The following PRKDC variants were observed in gnomAD, a reference collection of about 807,000 sequenced individuals.
PRKDC encodes protein kinase, DNA-activated, catalytic subunit, also known as DNA-dependent protein kinase catalytic subunit.
A neutral mutation model predicts 486.9 loss-of-function variants in PRKDC; 82 were observed. That is an observed-to-expected ratio of 0.17 (90% CI 0.14 to 0.20). The LOEUF (loss-of-function observed/expected upper bound fraction) is 0.20, where lower values mean the gene tolerates loss of function less well. Among genes scored for constraint, PRKDC ranks in the 10% least tolerant of loss-of-function variants. The pLI, the probability that PRKDC is intolerant of heterozygous loss-of-function variation, is 1.00. For missense variants in PRKDC, 4,504 were observed against 5,038.2 expected (o/e 0.89, Z 3.21); for synonymous variants, 1,895 against 1,837.0 (o/e 1.03, Z -0.81).
chr8:47,826,609 T>C (rs758136146), intron 63 of PRKDC, 47 bp downstream of exon 63: 4 of 1,553,914 alleles, frequency 2.6e-6, no homozygotes, highest in Non-Finnish European at 3.5e-6. Flanking sequence ...CCGTATTGCT[T>C]TGGTCAAATC....
rs751353468 is a variant in PRKDC at position 47,929,984 on chromosome 8, A to G, written c.1921T>C (p.Phe641Leu). 4 of 1,607,112 alleles carry G rather than the reference A, an allele frequency of 2.5e-6. No individual in the cohort carries two copies. The highest frequency in any genetic ancestry group is 1.1e-5 in the South Asian group (1 of 88,654). ...AATGAGTACACCCATGGTTCAAAAA[A>G]TTCTGCTTGTTTCTCAGGGAGAATC... ...REILPEKQAE[F>L]FEPWVYSFSY... The change falls in exon 18 of 86, where the codon TTT becomes CTT. Residue 641 changes from phenylalanine to leucine, a missense_variant. Physicochemically the swap from Phe to Leu is conservative, Grantham distance 22 (BLOSUM62 0). This residue lies in a region of PRKDC where 1,969 missense variants were observed against 2,068.9 expected (regional missense o/e 0.95). Transcript: ENST00000314191.
intron 1 of PRKDC, 131 bp downstream of exon 1, chr8:47,959,842 T>C: frequency 1.4e-6 from 2 of 1,418,476 alleles, no homozygotes; most frequent in South Asian, 1.4e-5. Flanking sequence ...TACACAGAAA[T>C]TCCCCCAAGA....
At position 47,859,618 on chromosome 8, in the gene PRKDC, C is replaced by T. The variant is rs1199966847; in HGVS notation, c.6200G>A (p.Arg2067Gln). The change falls in exon 46 of 86, where the codon CGG becomes CAG. Residue 2067 changes from arginine to glutamine, a missense_variant. By Grantham distance (43) the Arg-to-Gln change is conservative (BLOSUM62 1). Transcript: ENST00000314191. ...QDPRPATGRF[R>Q]RREQRDPTVH... Reference sequence around the variant, plus strand: ...TATGTGAAATGTGATCACCCGTCTCCGAAAACGACCAGTGGCAGGTCTAGG... The same window carrying T: ...TATGTGAAATGTGATCACCCGTCTCTGAAAACGACCAGTGGCAGGTCTAGG... 14 of 1,610,320 alleles carry T rather than the reference C, an allele frequency of 8.7e-6. No homozygotes were observed. The highest frequency in any genetic ancestry group is 1.3e-5 in the African/African-American group (1 of 74,760).
At chr8:47,852,217 G>A (rs73679955) in intron 52 of PRKDC, among the ~76,000 whole-genome samples, 17 of 152,298 alleles carry the variant, frequency 1.1e-4, no homozygotes, top group African/African-American at 3.8e-4. Context: ...TCATCTCACA[G>A]TCCTGTCCAG....
intron 11 of PRKDC, among the ~76,000 whole-genome samples, chr8:47,937,255 C>T (rs554453795): frequency 1.3e-5 from 2 of 152,076 alleles, no homozygotes; most frequent in Non-Finnish European, 2.9e-5. Context: ...TGAGGTTCCA[C>T]CTCAAAAAAT....
intron 21 of PRKDC, among the ~76,000 whole-genome samples, chr8:47,921,108 A>G (rs1319642171): frequency 6.6e-6 from 1 of 152,178 alleles, no homozygotes; most frequent in Non-Finnish European, 1.5e-5. Context: ...CAAAAAAATT[A>G]GCCAGGCGTG....
intron 77 of PRKDC, chr8:47,784,176 T>G: frequency 5.5e-6 from 1 of 183,246 alleles, no homozygotes; most frequent in South Asian, 1.2e-4. Context: ...GAGAATGGCG[T>G]GAACTCGGGA....
chr8:47,834,686 CTTTT>C (rs1014285595), intron 58 of PRKDC, among the ~76,000 whole-genome samples: 3 of 96,758 alleles, frequency 3.1e-5, no homozygotes, highest in African/African-American at 6.8e-5. Flanking sequence ...GAACCCCTGA[CTTTT>C]TTTTTTTTTT....
intron 44 of PRKDC, 145 bp from the exon 45 acceptor site, chr8:47,861,116 A>G: frequency 4.9e-6 from 3 of 615,610 alleles, no homozygotes; most frequent in Non-Finnish European, 8.1e-6. Flanking sequence ...AATAACCTCA[A>G]AAAGAGACTA....
At chr8:47,818,148 AG>A (rs1324780655) in intron 67 of PRKDC, among the ~76,000 whole-genome samples, 1 of 152,220 alleles carries the variant, frequency 6.6e-6, no homozygotes, top group Admixed American at 6.5e-5. Context: ...AACAGCAGTC[AG>A]GAACACAAGA....
intron 32 of PRKDC, among the ~76,000 whole-genome samples, chr8:47,889,486 G>A (rs2089410690): frequency 6.6e-6 from 1 of 152,230 alleles, no homozygotes; most frequent in Admixed American, 6.5e-5. Flanking sequence ...TTTATCTACG[G>A]AGCAGGCAGC....
rs2090722927 is a variant in PRKDC at position 47,957,435 on chromosome 8, T to C, written c.155-4A>G. Reference sequence around the variant, plus strand: ...AAAACTAAAGATGTCTGTAATGCTGTTCAAAAAAATAAGTAAACAAGTTAA... The same window carrying C: ...AAAACTAAAGATGTCTGTAATGCTGCTCAAAAAAATAAGTAAACAAGTTAA... On this transcript the variant is annotated splice_region_variant and splice_polypyrimidine_tract_variant and intron_variant, in intron 1 of 85. Transcript: ENST00000314191. 2 of 1,570,286 alleles carry C rather than the reference T, an allele frequency of 1.3e-6. No homozygotes were observed. Among genetic ancestry groups the C allele is most frequent in the Non-Finnish European group, 8.6e-7 (1 of 1,156,484 alleles).
chr8:47,935,897 G>A lies in PRKDC; in HGVS notation c.1282C>T (p.Pro428Ser). 6.2e-7 allele frequency: 1 copy of A among 1,611,252 alleles called. No individual in the cohort carries two copies. The highest frequency in any genetic ancestry group is 8.5e-7 in the Non-Finnish European group (1 of 1,178,434). The change falls in exon 13 of 86, where the codon CCT becomes TCT. Residue 428 changes from proline to serine, a missense_variant. Physicochemically the swap from Pro to Ser is moderately conservative, Grantham distance 74. Around this residue, in one of 6 missense-constraint regions of PRKDC, gnomAD observed 1,969 missense variants for 2,068.9 expected, o/e 0.95. Transcript: ENST00000314191. Reference sequence around the variant, plus strand: ...TCCAGAACTGGAGTATACACCTCAGGAACCTACCGGAAATAATCAGCAAAC... The same window carrying A: ...TCCAGAACTGGAGTATACACCTCAGAAACCTACCGGAAATAATCAGCAAAC... ...ASVLLYLDTV[P>S]EVYTPVLEHL...
intron 60 of PRKDC, 29 bp from the exon 61 acceptor site, chr8:47,830,765 T>A (rs1212543948): frequency 1.2e-6 from 2 of 1,613,620 alleles, no homozygotes; most frequent in South Asian, 2.2e-5. Flanking sequence ...AAGAAGAAGA[T>A]GAGCATTCTC....
At chr8:47,909,033 G>A (rs1437960193) in intron 25 of PRKDC, among the ~76,000 whole-genome samples, 1 of 152,084 alleles carries the variant, frequency 6.6e-6, no homozygotes, top group Admixed American at 6.6e-5. Flanking sequence ...AGTCAGTTCA[G>A]TGAAAACTCC....
In PRKDC at chr8:47,817,398, C is replaced by T. The variant is rs143584137; in HGVS notation, c.9557+52G>A. The T allele has an allele frequency of 7.5e-4, 966 of 1,279,690 alleles. 4 individuals carry two copies. In the African/African-American group the frequency reaches 0.011, roughly 15 times the overall value. The allele number at this position is 1,279,690 out of a possible 1,614,324, so 79.3% of individuals were successfully genotyped here. A position where few individuals can be genotyped will look rare whatever the true frequency, so the allele number is the denominator to read the frequency against. On this transcript the variant is annotated intron_variant, in intron 68 of 85. Transcript: ENST00000314191. ...ACCATGGTTTGGAAGAAAAACCATT[C>T]CAACAATTTCAAAAAACAATCCACA...
chr8:47,798,807 GTC>G (rs1363154851), intron 72 of PRKDC, among the ~76,000 whole-genome samples: 2 of 151,992 alleles, frequency 1.3e-5, no homozygotes, highest in Non-Finnish European at 1.5e-5. Flanking sequence ...AGAGGCCATT[GTC>G]TCTCTCTTTT....
In PRKDC at chr8:47,849,229, A is replaced by T; in HGVS notation, c.7205T>A (p.Leu2402His). Residue 2402 changes from leucine to histidine, a missense_variant, in exon 54 of 86, where the codon CTT becomes CAT. Physicochemically the swap from Leu to His is moderately conservative, Grantham distance 99. Around this residue, in one of 6 missense-constraint regions of PRKDC, gnomAD observed 1,592 missense variants for 1,724.6 expected, o/e 0.92. Transcript: ENST00000314191. ...VLKTLCLEVVLCRVEGMTELY... is the reference protein window; with the variant it reads ...VLKTLCLEVVHCRVEGMTELY... ...CTCTGTCATTCCCTCCACACGACAA[A>T]GTACCACCTCCAGACAGAGTGTTTT... 1 of 1,614,034 alleles carries T rather than the reference A, an allele frequency of 6.2e-7. No individual in the cohort carries two copies. Among genetic ancestry groups the T allele is most frequent in the Non-Finnish European group, 8.5e-7 (1 of 1,179,892 alleles).
intron 34 of PRKDC, among the ~76,000 whole-genome samples, chr8:47,888,206 A>G (rs1202753442): frequency 6.6e-6 from 1 of 152,152 alleles, no homozygotes; most frequent in African/African-American, 2.4e-5. Context: ...TAGATTCTTC[A>G]TTTGTGTTGT....
Sources: gnomAD v4.1 joint callset for allele counts (sites outside exome capture counted in the v4.1 genomes callset) on GRCh38, gnomAD v4.1.1 for gene constraint, gnomAD v4.1.1 regional missense constraint, MANE v1.5 for transcripts, NCBI Gene and HGNC (gene_info 2026-07-23, HGNC 2026-07-21) for gene names.